Variants in WWOX observed in about 807,000 individuals in gnomAD.
The protein encoded by WWOX is WW domain containing oxidoreductase.
Under a neutral mutation model 46.2 loss-of-function variants are expected in WWOX, and 69 were observed. The ratio of observed to expected loss-of-function variants is 1.49; its 90% CI spans 1.23 to 1.82. The LOEUF (loss-of-function observed/expected upper bound fraction) is 1.82. WWOX is among the 40% of genes most tolerant of loss of function. The pLI is 0.00. For missense variants in WWOX, 919 were observed against 542.6 expected, an observed-to-expected ratio of 1.69 and a Z score of -6.89; for synonymous variants, 359 against 202.6, an observed-to-expected ratio of 1.77 and a Z score of -6.56.
chr16:78,787,820 C>A (rs2550589), intron 8 of WWOX, among the ~76,000 whole-genome samples: 83,478 of 151,962 alleles, frequency 0.55, 23,668 homozygotes, highest in Admixed American at 0.63. Context: ...CACATCCTTG[C>A]CAACACTTTA....
intron 8 of WWOX, among the ~76,000 whole-genome samples, chr16:78,443,916 G>C (rs1319061041): frequency 6.6e-6 from 1 of 152,126 alleles, no homozygotes; most frequent in East Asian, 1.9e-4. Context: ...TTGGAGGCCA[G>C]CGTGATTAAA....
chr16:78,960,448 G>A (rs1257156965), intron 8 of WWOX, among the ~76,000 whole-genome samples: 2 of 152,214 alleles, frequency 1.3e-5, no homozygotes, highest in Non-Finnish European at 2.9e-5. Context: ...AAAGGAGACT[G>A]TCACTTCATG....
At chr16:78,795,826 G>C (rs578241455) in intron 8 of WWOX, among the ~76,000 whole-genome samples, 1 of 152,264 alleles carries the variant, frequency 6.6e-6, no homozygotes, top group South Asian at 2.1e-4. Context: ...AAAGTATCTA[G>C]TAGAGTGGCT....
chr16:78,546,041 A>G (rs117820203), intron 8 of WWOX, among the ~76,000 whole-genome samples: 5,098 of 152,290 alleles, frequency 0.033, 133 homozygotes, highest in Non-Finnish European at 0.05. Context: ...AACATGCTCT[A>G]TGCTGGGCAC....
At chr16:78,195,388 T>A (rs1002685919) in intron 5 of WWOX, among the ~76,000 whole-genome samples, 5 of 152,192 alleles carry the variant, frequency 3.3e-5, no homozygotes, top group African/African-American at 1.2e-4. Flanking sequence ...GCTCACCTCC[T>A]ACTGGTTAGT....
chr16:78,415,939 A>G (rs1426926878), intron 6 of WWOX, among the ~76,000 whole-genome samples: 1 of 152,212 alleles, frequency 6.6e-6, no homozygotes, highest in East Asian at 1.9e-4. Flanking sequence ...GCAGACACAG[A>G]GAATGCCATG....
intron 8 of WWOX, among the ~76,000 whole-genome samples, chr16:78,739,751 C>T (rs1301244938): frequency 6.6e-6 from 1 of 152,090 alleles, no homozygotes; most frequent in Non-Finnish European, 1.5e-5. Flanking sequence ...GCGGAGGTTG[C>T]AGTGAGCCGA....
intron 8 of WWOX, among the ~76,000 whole-genome samples, chr16:78,925,833 T>G (rs1349602397): frequency 6.6e-6 from 1 of 152,194 alleles, no homozygotes; most frequent in East Asian, 1.9e-4. Flanking sequence ...GCTGAAGCCC[T>G]AGTTCTAGCC....
intron 8 of WWOX, among the ~76,000 whole-genome samples, chr16:78,665,331 C>G (rs1411231426): frequency 6.6e-6 from 1 of 152,032 alleles, no homozygotes; most frequent in Non-Finnish European, 1.5e-5. Flanking sequence ...ATTGTGGATT[C>G]AGTAGGGATA....
intron 8 of WWOX, among the ~76,000 whole-genome samples, chr16:78,619,817 G>C (rs950809535): frequency 2.6e-5 from 4 of 152,092 alleles, no homozygotes; most frequent in Admixed American, 1.3e-4. Flanking sequence ...GCTGAGGCAG[G>C]AGAATCACTT....
chr16:78,631,853 G>T (rs1425066463), intron 8 of WWOX, among the ~76,000 whole-genome samples: 1 of 152,172 alleles, frequency 6.6e-6, no homozygotes, highest in Non-Finnish European at 1.5e-5. Flanking sequence ...GTGATTAGAA[G>T]TAGGAGAAGC....
At chr16:79,066,744 CAGA>C (rs2150557866) in intron 8 of WWOX, among the ~76,000 whole-genome samples, 1 of 152,352 alleles carries the variant, frequency 6.6e-6, no homozygotes, top group African/African-American at 2.4e-5. Context: ...TGCCTTCTAC[CAGA>C]AGGACTTTGC....
Position 78,424,899 on chromosome 16 carries a change from C to G in WWOX, c.635C>G (p.Ala212Gly). Residue 212 changes from alanine (A) to glycine (G), a missense_variant, in exon 7 of 9, where the codon GCA becomes GGA. Coordinates refer to ENST00000566780, the MANE Select transcript of WWOX (RefSeq NM_016373.4). The part of the protein sequence containing the change: ...VPLHVLVCNA[A>G]TFALPWSLTK... ...CTTCATGTGCTTGTGTGCAACGCAGCAACTTTTGCTCTACCCTGGAGTCTC... is the reference window on the plus strand; with the variant it reads ...CTTCATGTGCTTGTGTGCAACGCAGGAACTTTTGCTCTACCCTGGAGTCTC... 1 of 1,614,146 alleles carries G rather than the reference C, an allele frequency of 6.2e-7. No homozygotes were observed. Among genetic ancestry groups the G allele is most frequent in the Non-Finnish European group, 8.5e-7 (1 of 1,180,030 alleles).
chr16:78,140,146 T>C (rs1242959817), intron 4 of WWOX, among the ~76,000 whole-genome samples: 2 of 152,150 alleles, frequency 1.3e-5, no homozygotes. Context: ...GGTTGAAAAC[T>C]GCATGGTGAG....
chr16:78,875,713 A>T (rs1223151321), intron 8 of WWOX, among the ~76,000 whole-genome samples: 1 of 152,126 alleles, frequency 6.6e-6, no homozygotes, highest in African/African-American at 2.4e-5. Context: ...CACAGTGGCA[A>T]TTTCCTAGTC....
chr16:78,904,813 A>T (rs149190362), intron 8 of WWOX, among the ~76,000 whole-genome samples: 1 of 152,240 alleles, frequency 6.6e-6, no homozygotes, highest in South Asian at 2.1e-4. Flanking sequence ...ACTTAGTTCT[A>T]TGTTACTGAA....
rs74876313 is a variant in WWOX at position 78,635,071 on chromosome 16, G to A, written c.1056+202319G>A. ...GCGGGACATATTTCCCCCTCTTACA[G>A]ATAGGAAACCTTGCCCAATGTGATT... On this transcript the variant is annotated intron_variant, in intron 8 of 8. Coordinates refer to ENST00000566780, the MANE Select transcript of WWOX (RefSeq NM_016373.4). Among the ~76,000 whole-genome samples, 753 of 152,224 alleles carry A rather than the reference G, an allele frequency of 4.9e-3. 5 individuals carry two copies. Among genetic ancestry groups the A allele is most frequent in the African/African-American group, 0.018 (727 of 41,514 alleles).
chr16:79,207,062 C>T (rs949589544), intron 8 of WWOX, among the ~76,000 whole-genome samples: 1 of 152,158 alleles, frequency 6.6e-6, no homozygotes, highest in Non-Finnish European at 1.5e-5. Flanking sequence ...TGGTTATAGC[C>T]TCTCCTGGGG....
At chr16:78,962,080 G>A (rs760007845) in intron 8 of WWOX, among the ~76,000 whole-genome samples, 29 of 152,040 alleles carry the variant, frequency 1.9e-4, no homozygotes, top group Admixed American at 1.8e-3. Context: ...GGCCATAAAG[G>A]AGCTTTGGAA....
Sources: gnomAD v4.1 joint callset for allele counts (sites outside exome capture counted in the v4.1 genomes callset) on GRCh38, gnomAD v4.1.1 for gene constraint, MANE v1.5 for transcripts, NCBI Gene and HGNC (gene_info 2026-07-23, HGNC 2026-07-21) for gene names.